The following SNX15 variants were observed in gnomAD, a reference collection of about 807,000 sequenced individuals.
SNX15 encodes sorting nexin-15.
In SNX15, 29 loss-of-function variants were observed where a neutral mutation model predicts 35.2. That is an observed-to-expected ratio of 0.82 (90% confidence interval 0.61 to 1.12). The LOEUF is 1.12. SNX15 is among the 50% of genes most tolerant of loss of function. The pLI is 0.00. For missense variants in SNX15, 400 were observed against 451.5 expected (o/e 0.89, Z 1.03); for synonymous variants, 189 against 188.2 (o/e 1.00, Z -0.03).
At chr11:65,030,276 A>C (rs1047059671) in intron 1 of SNX15, among the ~76,000 whole-genome samples, 5 of 150,514 alleles carry the variant, frequency 3.3e-5, no homozygotes, top group African/African-American at 1.2e-4. Flanking sequence ...AATTGCTTGA[A>C]CCCGGGAGGC....
In SNX15 at chr11:65,038,616, ATGGAGG is replaced by A; in HGVS notation, c.715_720del (p.Val239_Glu240del). 1 of 1,599,300 alleles carries A rather than the reference ATGGAGG, an allele frequency of 6.3e-7. No individual in the cohort carries two copies. Among genetic ancestry groups the A allele is most frequent in the Non-Finnish European group, 8.5e-7 (1 of 1,172,138 alleles). ...CACCCATGTGGCTGAGCTGGCAACGATGGAGGTGGAGTCTGCAAGGCTGGACCAGGA... is the reference window on the plus strand; with the variant it reads ...CACCCATGTGGCTGAGCTGGCAACGATGGAGTCTGCAAGGCTGGACCAGGA... On this transcript the variant is annotated inframe_deletion, in exon 7 of 8. Transcript: ENST00000377244.
At chr11:65,039,000 C>A (rs1946536449) in intron 7 of SNX15, among the ~76,000 whole-genome samples, 171 bp downstream of exon 7, 1 of 143,208 alleles carries the variant, frequency 7.0e-6, no homozygotes, top group Admixed American at 7.2e-5. Context: ...TTGTTTTTAA[C>A]CTCTTGTGGC....
At chr11:65,035,745 T>G in intron 6 of SNX15, 82 bp downstream of exon 6, 3 of 1,420,022 alleles carry the variant, frequency 2.1e-6, no homozygotes, top group Non-Finnish European at 2.9e-6. Context: ...ACTAGCCTGC[T>G]CAGTGCCTGC....
chr11:65,039,839 C>A lies in SNX15; in HGVS notation c.*47C>A. The stretch of plus-strand genomic sequence containing the variant: ...GGACTCTCGCTCCTGCACTGCCAGC[C>A]CCTTCTCCTCTCCCCAGGGCCTGGC... On this transcript the variant is annotated 3_prime_UTR_variant, in exon 8 of 8. Transcript: ENST00000377244. 2.3e-6 allele frequency: 3 copies of A among 1,308,124 alleles called. No individual in the cohort carries two copies. The highest frequency in any genetic ancestry group is 3.3e-6 in the Non-Finnish European group (3 of 918,360). The allele number at this position is 1,308,124 out of a possible 1,614,324, so 81.0% of individuals were successfully genotyped here.
intron 1 of SNX15, among the ~76,000 whole-genome samples, 176 bp downstream of exon 1, chr11:65,027,812 G>T (rs1448149389): frequency 6.6e-6 from 1 of 152,228 alleles, no homozygotes; most frequent in Admixed American, 6.5e-5. Flanking sequence ...AGGGGGCGGG[G>T]TCCTGGGTGG....
rs769803244 is a variant in SNX15 at position 65,032,381 on chromosome 11, G to A, written c.136-50G>A. ...CTGGGGGCAGGCTAGGCATGGGGGC[G>A]GCTGCCTCCCACCATTGCTGGTTCT... On this transcript the variant is annotated intron_variant, in intron 2 of 7. Transcript: ENST00000377244. The A allele has an allele frequency of 6.3e-5, 101 of 1,613,036 alleles. 1 individual carries two copies. The highest frequency in any genetic ancestry group is 1.8e-4 in the South Asian group (16 of 91,048).
intron 3 of SNX15, among the ~76,000 whole-genome samples, chr11:65,034,474 C>T (rs1171211386): frequency 6.6e-6 from 1 of 152,206 alleles, no homozygotes; most frequent in Non-Finnish European, 1.5e-5. Flanking sequence ...CACTTTCCCT[C>T]TCTGAGCCTT....
chr11:65,030,129 G>T (rs1343086930), intron 1 of SNX15, among the ~76,000 whole-genome samples: 1 of 152,028 alleles, frequency 6.6e-6, no homozygotes, highest in Non-Finnish European at 1.5e-5. Context: ...GGCCAAGGCG[G>T]GTGGATCATG....
chr11:65,027,710 T>G, intron 1 of SNX15, 74 bp downstream of exon 1: 1 of 1,066,736 alleles, frequency 9.4e-7, no homozygotes, highest in Non-Finnish European at 1.5e-6. Flanking sequence ...GGAAAGGCGG[T>G]GCAGCCACTG....
chr11:65,035,860 G>A, intron 6 of SNX15, 197 bp downstream of exon 6: 6 of 499,786 alleles, frequency 1.2e-5, no homozygotes, highest in Non-Finnish European at 3.4e-6. Context: ...GTGGTGTGCT[G>A]GATGCACCTG....
chr11:65,038,482 C>T lies in SNX15; in HGVS notation c.665-90C>T, dbSNP rs557267530. 1.1e-3 allele frequency: 1,560 copies of T among 1,460,928 alleles called. 2 individuals carry two copies. Among genetic ancestry groups the T allele is most frequent in the Non-Finnish European group, 1.3e-3 (1,447 of 1,099,552 alleles). 90.5% of individuals were successfully genotyped at this position (1,460,928 alleles called of 1,614,324 possible). A position where few individuals can be genotyped will look rare whatever the true frequency, so the allele number is the denominator to read the frequency against. On this transcript the variant is annotated intron_variant, in intron 6 of 7. Coordinates refer to ENST00000377244, the MANE Select transcript of SNX15 (RefSeq NM_013306.5). ...CCCCTCTACTGGGGACAGGCTGATA[C>T]CCTGATGGACAAAAGAAGTCTTGGG... is the stretch of plus-strand genomic sequence containing the variant.
Position 65,038,615 on chromosome 11 carries a change from G to A in SNX15, c.708G>A (p.Thr236=), listed in dbSNP as rs1342253039. ...CCACCCATGTGGCTGAGCTGGCAAC[G>A]ATGGAGGTGGAGTCTGCAAGGCTGG... ...PSPTHVAELA[T]MEVESARLDQ... The change falls in exon 7 of 8, where the codon ACG becomes ACA. Residue 236 remains threonine (T), a synonymous_variant. Coordinates refer to ENST00000377244, the MANE Select transcript of SNX15 (RefSeq NM_013306.5). 3.5e-5 allele frequency: 56 copies of A among 1,598,290 alleles called. No individual in the cohort carries two copies. The highest frequency in any genetic ancestry group is 1.8e-4 in the Middle Eastern group (1 of 5,676).
chr11:65,032,113 G>A, intron 1 of SNX15, 55 bp from the exon 2 acceptor site: 1 of 1,577,750 alleles, frequency 6.3e-7, no homozygotes, highest in South Asian at 1.1e-5. Flanking sequence ...TACAGGGTGA[G>A]AGGGTGTCAG....
chr11:65,034,831 G>T lies in SNX15; in HGVS notation c.257-16G>T, dbSNP rs1454013690. 2 of 1,608,612 alleles carry T rather than the reference G, an allele frequency of 1.2e-6. No individual in the cohort carries two copies. Among genetic ancestry groups the T allele is most frequent in the Non-Finnish European group, 8.5e-7 (1 of 1,175,570 alleles). ...TCACCGCCACTCTCCCCTGTTCCTTGTCCTGGGGGCCGTAGGCCGGTTTGA... is the reference window on the plus strand; with the variant it reads ...TCACCGCCACTCTCCCCTGTTCCTTTTCCTGGGGGCCGTAGGCCGGTTTGA... On this transcript the variant is annotated splice_polypyrimidine_tract_variant and intron_variant, in intron 3 of 7. Transcript: ENST00000377244.
intron 1 of SNX15, among the ~76,000 whole-genome samples, chr11:65,031,880 G>C (rs1216490916): frequency 1.3e-5 from 2 of 152,064 alleles, no homozygotes; most frequent in Non-Finnish European, 2.9e-5. Context: ...CTGGGCGACA[G>C]AGCGAGACTC....
chr11:65,038,459 C>G, intron 6 of SNX15, 113 bp from the exon 7 acceptor site: 1 of 1,368,478 alleles, frequency 7.3e-7, no homozygotes, highest in Non-Finnish European at 9.7e-7. Flanking sequence ...GCATTGGTCC[C>G]CTCTACTGGG....
intron 7 of SNX15, among the ~76,000 whole-genome samples, 188 bp from the exon 8 acceptor site, chr11:65,039,498 A>T (rs1398320588): frequency 6.6e-6 from 1 of 152,194 alleles, no homozygotes; most frequent in Non-Finnish European, 1.5e-5. Flanking sequence ...CTGGGATTAC[A>T]GGCGTGAGCC....
rs1329592714 is a variant in SNX15 at position 65,027,603 on chromosome 11, C to A, written c.66C>A (p.Pro22=). The A allele has an allele frequency of 6.2e-7, 1 of 1,613,980 alleles. No homozygotes were observed. Among genetic ancestry groups the A allele is most frequent in the Non-Finnish European group, 8.5e-7 (1 of 1,179,990 alleles). The change falls in exon 1 of 8, where the codon CCC becomes CCA. Residue 22 remains proline (P), a synonymous_variant. Transcript: ENST00000377244. The part of the protein sequence containing the change: ...HYTVSDPRTH[P]KGYTEYKVTA... ...CAGTGTCGGACCCCAGGACTCACCC[C>A]AAGGGCTACACCGAGTACAAAGTAA...
At position 65,038,556 on chromosome 11, in the gene SNX15, C is replaced by T; in HGVS notation, c.665-16C>T. 1 of 1,518,426 alleles carries T rather than the reference C, an allele frequency of 6.6e-7. No homozygotes were observed. The highest frequency in any genetic ancestry group is 8.8e-7 in the Non-Finnish European group (1 of 1,135,742). The allele number at this position is 1,518,426 out of a possible 1,614,324, so 94.1% of individuals were successfully genotyped here. A position where few individuals can be genotyped will look rare whatever the true frequency, so the allele number is the denominator to read the frequency against. ...GAAGGGCCAGTCTGGTCCGAGTCCT[C>T]CCTTTCTAACTGCAGAAGGCGCAGC... is the stretch of plus-strand genomic sequence containing the variant. On this transcript the variant is annotated splice_polypyrimidine_tract_variant and intron_variant, in intron 6 of 7. Transcript: ENST00000377244.
Sources: allele counts gnomAD v4.1 joint callset (sites outside exome capture counted in the v4.1 genomes callset), GRCh38; gene constraint gnomAD v4.1.1; transcripts MANE v1.5; gene names NCBI Gene and HGNC (gene_info 2026-07-23, HGNC 2026-07-21).